Variants in SEPTIN9 observed in about 807,000 individuals in gnomAD.
The protein encoded by SEPTIN9 is septin 9.
SEPTIN9 carries 13 observed loss-of-function variants against 56.6 expected under a neutral mutation model. That is an observed-to-expected ratio of 0.23 (90% CI 0.15 to 0.37). SEPTIN9 has a LOEUF of 0.37. SEPTIN9 is among the 10% of genes least tolerant of loss of function. The probability of loss-of-function intolerance (pLI) is 1.00; values close to 1 mark genes in which losing one functional copy is unlikely to be tolerated. For synonymous variants in SEPTIN9, 332 were observed against 334.1 expected (o/e 0.99, Z 0.07); for missense variants, 650 against 823.1 (o/e 0.79, Z 2.57).
intron 1 of SEPTIN9, among the ~76,000 whole-genome samples, chr17:77,306,444 C>T (rs1282884316): frequency 1.3e-5 from 2 of 152,230 alleles, no homozygotes; most frequent in Admixed American, 6.5e-5. Flanking sequence ...CAGCAAATCT[C>T]CTCGAGTTAG....
intron 3 of SEPTIN9, among the ~76,000 whole-genome samples, chr17:77,419,301 C>T (rs950260641): frequency 2.0e-5 from 3 of 152,164 alleles, no homozygotes; most frequent in Non-Finnish European, 2.9e-5. Context: ...CTGAGGGAGG[C>T]GCTTTCAGGA....
intron 1 of SEPTIN9, among the ~76,000 whole-genome samples, chr17:77,293,076 GTGTGATCAC>G (rs1567977536): frequency 1.3e-5 from 2 of 151,952 alleles, no homozygotes; most frequent in Non-Finnish European, 2.9e-5. Flanking sequence ...AAGTGCAGTG[GTGTGATCAC>G]AGCTCATGGC....
chr17:77,373,411 C>T (rs1053111986), intron 2 of SEPTIN9: 2 of 1,266,996 alleles, frequency 1.6e-6, no homozygotes, highest in African/African-American at 1.6e-5. Flanking sequence ...GCGGGCGCGG[C>T]GCCCCAGCCA....
chr17:77,324,501 C>T (rs1404822242), intron 2 of SEPTIN9, among the ~76,000 whole-genome samples: 5 of 152,136 alleles, frequency 3.3e-5, no homozygotes, highest in African/African-American at 4.8e-5. Context: ...AGCATGGAGC[C>T]GGCAACTCCC....
rs2039212941 is a variant in SEPTIN9, at chr17:77,476,315, A to C, written c.722-5829A>C. Among the ~76,000 whole-genome samples, 2 of 152,080 alleles carry C rather than the reference A, an allele frequency of 1.3e-5. No homozygotes were observed. Among genetic ancestry groups the C allele is most frequent in the Non-Finnish European group, 2.9e-5 (2 of 67,992 alleles). On this transcript the variant is annotated intron_variant, in intron 3 of 11. Transcript: ENST00000427177. The surrounding 1 kb of genome is among the most constrained non-coding windows in gnomAD (Gnocchi z 6.0). ...GCTGTGATGAGTGTGAGTGCCCCTAAAGTGTGTCATGTCCAATAGCTGCCT... is the reference window on the plus strand; with the variant it reads ...GCTGTGATGAGTGTGAGTGCCCCTACAGTGTGTCATGTCCAATAGCTGCCT...
intron 1 of SEPTIN9, among the ~76,000 whole-genome samples, chr17:77,297,047 CAGTT>C (rs920396126): frequency 6.6e-6 from 1 of 151,992 alleles, no homozygotes; most frequent in African/African-American, 2.4e-5. Flanking sequence ...GGCAGATAGA[CAGTT>C]AGAAAGATAG....
intron 1 of SEPTIN9, among the ~76,000 whole-genome samples, chr17:77,283,071 C>T (rs2031105456): frequency 6.6e-6 from 1 of 152,012 alleles, no homozygotes; most frequent in Admixed American, 6.5e-5. Context: ...GGAGTCTCTG[C>T]ACCTGCGGCT....
chr17:77,399,412 C>T (rs531690076), intron 2 of SEPTIN9, among the ~76,000 whole-genome samples: 2 of 152,284 alleles, frequency 1.3e-5, no homozygotes, highest in South Asian at 4.1e-4. Context: ...TGCTCTACAG[C>T]ACCCATAGGA....
chr17:77,411,816 G>T (rs74255259), intron 3 of SEPTIN9, among the ~76,000 whole-genome samples: 1 of 152,142 alleles, frequency 6.6e-6, no homozygotes, highest in African/African-American at 2.4e-5. Context: ...GTGAATTTCT[G>T]TGTCAAGGAT....
At position 77,425,755 on chromosome 17, in the gene SEPTIN9, C is replaced by T. The variant is rs929565576; in HGVS notation, c.721+23052C>T. Among the ~76,000 whole-genome samples, 2 of 151,740 alleles carry T rather than the reference C, an allele frequency of 1.3e-5. No homozygotes were observed. Among genetic ancestry groups the T allele is most frequent in the African/African-American group, 4.9e-5 (2 of 41,190 alleles). ...AGCTGCCCCCCGCTCATCTACCCCC[C>T]AACCCTCCCAGCCAGCAGAGTTTTA... is the stretch of plus-strand genomic sequence containing the variant. On this transcript the variant is annotated intron_variant, in intron 3 of 11. Coordinates refer to ENST00000427177, the MANE Select transcript of SEPTIN9 (RefSeq NM_001113491.2). The surrounding 1 kb of genome is among the most constrained non-coding windows in gnomAD (Gnocchi z 4.2).
Position 77,450,511 on chromosome 17 carries a change from G to A in SEPTIN9, c.722-31633G>A, listed in dbSNP as rs2037924797. The A allele has an allele frequency of 1.0e-6, 1 of 985,434 alleles. No individual in the cohort carries two copies. The highest frequency in any genetic ancestry group is 1.7e-5 in the African/African-American group (1 of 57,334). 61.0% of individuals were successfully genotyped at this position (985,434 alleles called of 1,614,324 possible). A position where few individuals can be genotyped will look rare whatever the true frequency, so the allele number is the denominator to read the frequency against. Reference sequence around the variant, plus strand: ...TCTCTCCTAGTGTGGGAGTGGCCACGCCCCTGCTGGGAGTGACTCACTTGG... The same window carrying A: ...TCTCTCCTAGTGTGGGAGTGGCCACACCCCTGCTGGGAGTGACTCACTTGG... On this transcript the variant is annotated intron_variant, in intron 3 of 11. Coordinates refer to ENST00000427177, the MANE Select transcript of SEPTIN9 (RefSeq NM_001113491.2). The surrounding 1 kb of genome is among the most constrained non-coding windows in gnomAD (Gnocchi z 6.0).
intron 2 of SEPTIN9, among the ~76,000 whole-genome samples, chr17:77,342,787 A>T (rs987598382): frequency 9.2e-5 from 14 of 152,246 alleles, no homozygotes; most frequent in African/African-American, 3.4e-4. Context: ...AGCCTGGGCA[A>T]CATGGTGAAA....
At chr17:77,332,238 A>G (rs1056939313) in intron 2 of SEPTIN9, among the ~76,000 whole-genome samples, 6 of 152,022 alleles carry the variant, frequency 3.9e-5, no homozygotes, top group African/African-American at 1.2e-4. Flanking sequence ...GATTGTGCCA[A>G]TGCACTCCAG....
At chr17:77,393,489 C>T (rs114938663) in intron 2 of SEPTIN9, among the ~76,000 whole-genome samples, 6,135 of 152,240 alleles carry the variant, frequency 0.04, 417 homozygotes, top group African/African-American at 0.14. Context: ...TCAGCATGCA[C>T]AGCCCCCACA....
At chr17:77,482,793 A>G in intron 4 of SEPTIN9, 1 of 541,604 alleles carries the variant, frequency 1.8e-6, no homozygotes, top group South Asian at 2.5e-5. Context: ...TGGCTTCCAC[A>G]CCCCCTGGTG....
chr17:77,303,544 T>C (rs1156948971), intron 1 of SEPTIN9, among the ~76,000 whole-genome samples: 3 of 151,858 alleles, frequency 2.0e-5, no homozygotes, highest in Non-Finnish European at 2.9e-5. Flanking sequence ...AAACCCTGTC[T>C]CTACCGAATA....
rs1282191972 is a variant in SEPTIN9 at position 77,400,647 on chromosome 17, A to T, written c.77-1412A>T. ...GCGCTATTATTGGGGGCTGGGGACCAGCTGTCATCCCTTTTCCTGTGGGCA... is the reference window on the plus strand; with the variant it reads ...GCGCTATTATTGGGGGCTGGGGACCTGCTGTCATCCCTTTTCCTGTGGGCA... On this transcript the variant is annotated intron_variant, in intron 2 of 11. Transcript: ENST00000427177. The surrounding 1 kb of genome is among the most constrained non-coding windows in gnomAD (Gnocchi z 4.1). 1.3e-5 allele frequency: 2 copies of T among 152,492 alleles called. No individual in the cohort carries two copies. The highest frequency in any genetic ancestry group is 3.9e-4 in the East Asian group (2 of 5,180). 9.4% of individuals were successfully genotyped at this position (152,492 alleles called of 1,614,324 possible). A position where few individuals can be genotyped will look rare whatever the true frequency, so the allele number is the denominator to read the frequency against.
intron 1 of SEPTIN9, among the ~76,000 whole-genome samples, chr17:77,304,219 G>A (rs1354582013): frequency 5.9e-5 from 9 of 152,230 alleles, no homozygotes; most frequent in Non-Finnish European, 1.3e-4. Context: ...GCTGAGCCTG[G>A]CAATTTGTTC....
Position 77,484,610 on chromosome 17 carries a change from ATGG to A in SEPTIN9, c.913+2281_913+2283del, listed in dbSNP as rs748211575. ...GGTGGTAATTGTGATGGTGGTGGTG[ATGG>A]TGGTGATGGGGATGATGATGGTGAT... On this transcript the variant is annotated intron_variant, in intron 4 of 11. Coordinates refer to ENST00000427177, the MANE Select transcript of SEPTIN9 (RefSeq NM_001113491.2). 1.8e-4 allele frequency among the ~76,000 whole-genome samples: 19 copies of A among 104,714 alleles called. 1 individual carries two copies. Among genetic ancestry groups the A allele is most frequent in the South Asian group, 1.3e-3 (4 of 2,972 alleles). 68.7% of individuals were successfully genotyped at this position (104,714 alleles called of 152,430 possible).
Sources: allele counts gnomAD v4.1 joint callset (sites outside exome capture counted in the v4.1 genomes callset), GRCh38; gene constraint gnomAD v4.1.1; non-coding constraint Gnocchi (gnomAD v3.1); transcripts MANE v1.5; gene names NCBI Gene and HGNC (gene_info 2026-07-23, HGNC 2026-07-21).